The following SAXO1 variants were observed in gnomAD, a reference collection of about 807,000 sequenced individuals.
SAXO1 encodes 4930500O09Rik.
Under a neutral mutation model 17.5 loss-of-function variants are expected in SAXO1, and 21 were observed. The ratio of observed to expected loss-of-function variants is 1.20; its 90% CI spans 0.85 to 1.72. The LOEUF (loss-of-function observed/expected upper bound fraction) is 1.72. Ranked by LOEUF, SAXO1 falls within the 40% of genes most tolerant of loss-of-function variation. The pLI, the probability that SAXO1 is intolerant of heterozygous loss-of-function variation, is 0.00. For synonymous variants in SAXO1, 274 were observed against 216.5 expected, an observed-to-expected ratio of 1.27 and a Z score of -2.33; for missense variants, 843 against 596.0, an observed-to-expected ratio of 1.41 and a Z score of -4.32.
chr9:18,999,842 G>A (rs1290249201), intron 1 of SAXO1, among the ~76,000 whole-genome samples: 1 of 143,168 alleles, frequency 7.0e-6, no homozygotes, highest in African/African-American at 2.6e-5. Context: ...GAGCGCCTCT[G>A]CCCAGCCGCC....
chr9:18,950,940 A>G lies in SAXO1; in HGVS notation c.39-3T>C. On this transcript the variant is annotated splice_region_variant and splice_polypyrimidine_tract_variant and intron_variant, in intron 1 of 3. Coordinates refer to ENST00000380534, the MANE Select transcript of SAXO1 (RefSeq NM_153707.4). ...GGAGATGTGGACAGTGATGCCGCCT[A>G]TAAAAGACACAGAGTTAGGTTGATT... The G allele has an allele frequency of 6.2e-7, 1 of 1,610,164 alleles. No individual in the cohort carries two copies. The highest frequency in any genetic ancestry group is 8.5e-7 in the Non-Finnish European group (1 of 1,178,446).
chr9:19,038,851 T>A (rs944624100), intron 1 of SAXO1, among the ~76,000 whole-genome samples: 5 of 151,706 alleles, frequency 3.3e-5, no homozygotes, highest in African/African-American at 7.3e-5. Context: ...AAAAAAAAAA[T>A]GGTAACTTGA....
At chr9:18,951,208 G>A (rs1218012213) in intron 1 of SAXO1, among the ~76,000 whole-genome samples, 3 of 152,058 alleles carry the variant, frequency 2.0e-5, no homozygotes, top group Non-Finnish European at 4.4e-5. Context: ...GTGTAAGCAG[G>A]GAAATATTTC....
At chr9:19,046,029 G>C (rs1836205661) in intron 1 of SAXO1, among the ~76,000 whole-genome samples, 1 of 146,422 alleles carries the variant, frequency 6.8e-6, no homozygotes, top group African/African-American at 2.6e-5. Context: ...CGGAGGTTGC[G>C]GTGAGCAGAG....
intron 1 of SAXO1, among the ~76,000 whole-genome samples, chr9:19,009,913 G>A (rs1289784191): frequency 2.0e-5 from 3 of 150,322 alleles, no homozygotes; most frequent in East Asian, 1.9e-4. Flanking sequence ...TGCAACCTCC[G>A]CCTCCTGGAC....
intron 1 of SAXO1, among the ~76,000 whole-genome samples, chr9:18,954,877 C>T (rs1299951058): frequency 1.4e-5 from 2 of 148,078 alleles, no homozygotes; most frequent in Non-Finnish European, 3.0e-5. Context: ...AAGAATATAA[C>T]AACTGCACTG....
At chr9:19,019,227 T>C (rs1342973681) in intron 1 of SAXO1, among the ~76,000 whole-genome samples, 1 of 152,202 alleles carries the variant, frequency 6.6e-6, no homozygotes, top group African/African-American at 2.4e-5. Flanking sequence ...GCCTTTCAAG[T>C]CCGATGATCA....
chr9:19,018,980 G>T (rs1835111771), intron 1 of SAXO1, among the ~76,000 whole-genome samples: 1 of 151,862 alleles, frequency 6.6e-6, no homozygotes, highest in African/African-American at 2.4e-5. Flanking sequence ...TTGGTGGCGG[G>T]CACCTGTAAT....
chr9:19,014,503 T>A (rs4977275), intron 1 of SAXO1, among the ~76,000 whole-genome samples: 121,213 of 146,952 alleles, frequency 0.82, 50,126 homozygotes, highest in African/African-American at 0.86. Flanking sequence ...TTTAAAAATT[T>A]AAAAAAAAAT....
intron 1 of SAXO1, among the ~76,000 whole-genome samples, chr9:18,951,258 C>G (rs760992690): frequency 6.6e-6 from 1 of 152,096 alleles, no homozygotes; most frequent in Non-Finnish European, 1.5e-5. Flanking sequence ...CCAAGCTCTC[C>G]GAGTGCCACC....
In SAXO1 at chr9:18,927,878, G is replaced by A; in HGVS notation, c.*174C>T. 1 of 654,176 alleles carries A rather than the reference G, an allele frequency of 1.5e-6. No homozygotes were observed. The highest frequency in any genetic ancestry group is 3.3e-5 in the Admixed American group (1 of 30,222). The allele number at this position is 654,176 out of a possible 1,614,324, so 40.5% of individuals were successfully genotyped here. A position where few individuals can be genotyped will look rare whatever the true frequency, so the allele number is the denominator to read the frequency against. Reference sequence around the variant, plus strand: ...GGAGTTAATTAGCCGGTGATTAAATGTCATTTTCCCTGAGTCAAGTGATTC... The same window carrying A: ...GGAGTTAATTAGCCGGTGATTAAATATCATTTTCCCTGAGTCAAGTGATTC... On this transcript the variant is annotated 3_prime_UTR_variant, in exon 4 of 4. Transcript: ENST00000380534.
At chr9:19,007,008 G>A (rs1834507241) in intron 1 of SAXO1, among the ~76,000 whole-genome samples, 1 of 151,690 alleles carries the variant, frequency 6.6e-6, no homozygotes, top group African/African-American at 2.4e-5. Context: ...TTGCACCACT[G>A]CACTCCAGCC....
intron 1 of SAXO1, among the ~76,000 whole-genome samples, chr9:18,960,505 T>C (rs1588443107): frequency 1.3e-5 from 2 of 152,178 alleles, no homozygotes; most frequent in East Asian, 3.9e-4. Flanking sequence ...ATGTTACTCT[T>C]CCCCACACAT....
chr9:18,999,531 C>T (rs1199753448), intron 1 of SAXO1, among the ~76,000 whole-genome samples: 1 of 142,900 alleles, frequency 7.0e-6, no homozygotes. Context: ...TGCCCGGCCG[C>T]CACACCGTCT....
At chr9:18,947,271 C>G (rs1223855684) in intron 2 of SAXO1, among the ~76,000 whole-genome samples, 1 of 152,154 alleles carries the variant, frequency 6.6e-6, no homozygotes, top group African/African-American at 2.4e-5. Flanking sequence ...AAGACTCAAG[C>G]CTGCTACTAA....
chr9:18,982,398 C>A (rs1315452033), intron 1 of SAXO1, among the ~76,000 whole-genome samples: 3 of 152,118 alleles, frequency 2.0e-5, no homozygotes, highest in Non-Finnish European at 2.9e-5. Flanking sequence ...AAATCTGGGG[C>A]CCTGCCAGGA....
At chr9:18,975,747 T>C (rs1006751908) in intron 1 of SAXO1, among the ~76,000 whole-genome samples, 6 of 152,196 alleles carry the variant, frequency 3.9e-5, no homozygotes, top group Admixed American at 1.3e-4. Context: ...TCTCTAGCCA[T>C]TGTCAGAGCA....
chr9:18,931,364 G>A (rs1831042297), intron 3 of SAXO1, among the ~76,000 whole-genome samples: 1 of 152,080 alleles, frequency 6.6e-6, no homozygotes, highest in Admixed American at 6.5e-5. Context: ...CCTTTTTATT[G>A]TTGAATAATA....
At chr9:19,012,233 A>C (rs1293590910) in intron 1 of SAXO1, among the ~76,000 whole-genome samples, 2 of 152,212 alleles carry the variant, frequency 1.3e-5, no homozygotes, top group African/African-American at 4.8e-5. Flanking sequence ...AGAGAAGAAA[A>C]ACTAGAGAAA....
Sources: allele counts gnomAD v4.1 joint callset (sites outside exome capture counted in the v4.1 genomes callset), GRCh38; gene constraint gnomAD v4.1.1; transcripts MANE v1.5; gene names NCBI Gene and HGNC (gene_info 2026-07-23, HGNC 2026-07-21).